Variants in DUSP6 observed in about 807,000 individuals in gnomAD.
The protein encoded by DUSP6 is dual specificity phosphatase 6.
In DUSP6, 6 loss-of-function variants were observed where a neutral mutation model predicts 28.0. The observed-to-expected ratio is 0.21, with a 90% CI of 0.12 to 0.42. DUSP6 has a LOEUF of 0.42. Ranked by LOEUF, DUSP6 falls within the 10% of genes least tolerant of loss-of-function variation. The pLI, the probability that DUSP6 is intolerant of heterozygous loss-of-function variation, is 1.00. For missense variants in DUSP6, 451 were observed against 498.1 expected, an observed-to-expected ratio of 0.91 and a Z score of 0.90; for synonymous variants, 252 against 217.5, an observed-to-expected ratio of 1.16 and a Z score of -1.40.
chr12:89,350,894 A>G lies in DUSP6; in HGVS notation c.532T>C (p.Ser178Pro). ...GGLRISSDSS[S>P]DIESDLDRDP... Reference sequence around the variant, plus strand: ...CGGTCAAGGTCAGACTCGATGTCCGAGGAAGAGTCAGAGCTGATCCGCAGG... The same window carrying G: ...CGGTCAAGGTCAGACTCGATGTCCGGGGAAGAGTCAGAGCTGATCCGCAGG... Residue 178 changes from serine (S) to proline (P), a missense_variant, in exon 2 of 3, where the codon TCG becomes CCG. Ser to Pro is a moderately conservative substitution (Grantham distance 74). This residue lies in a region of DUSP6 where 347 missense variants were observed against 346.6 expected (regional missense o/e 1.00). Transcript: ENST00000279488. 6.2e-7 allele frequency: 1 copy of G among 1,613,924 alleles called. No individual in the cohort carries two copies. Among genetic ancestry groups the G allele is most frequent in the Admixed American group, 1.7e-5 (1 of 60,020 alleles).
intron 2 of DUSP6, among the ~76,000 whole-genome samples, chr12:89,350,254 C>T (rs184603885): frequency 1.5e-4 from 23 of 152,310 alleles, no homozygotes; most frequent in Admixed American, 1.5e-3. Flanking sequence ...TGCTGGAATT[C>T]CTGTCTATAG....
chr12:89,351,767 G>A lies in DUSP6; in HGVS notation c.273C>T (p.Gly91=), dbSNP rs1174828637. The A allele has an allele frequency of 1.2e-6, 2 of 1,608,830 alleles. No homozygotes were observed. Among genetic ancestry groups the A allele is most frequent in the Non-Finnish European group, 1.7e-6 (2 of 1,178,362 alleles). Residue 91 remains glycine, a synonymous_variant, in exon 1 of 3, where the codon GGC becomes GGT. Transcript: ENST00000279488. ...CGTCGTAGAGCACCACTGTGTCGGT[G>A]CCACAGCGCCGGGTGAAGCGGTCCC... The part of the protein sequence containing the change: ...EDRDRFTRRC[G]TDTVVLYDES...
chr12:89,348,304 G>T lies in DUSP6; in HGVS notation c.*950C>A, dbSNP rs1879049739. 1 of 152,610 alleles carries T rather than the reference G, an allele frequency of 6.6e-6. No individual in the cohort carries two copies. Among genetic ancestry groups the T allele is most frequent in the South Asian group, 2.1e-4 (1 of 4,832 alleles). The allele number at this position is 152,610 out of a possible 1,614,324, so 9.5% of individuals were successfully genotyped here. A position where few individuals can be genotyped will look rare whatever the true frequency, so the allele number is the denominator to read the frequency against. On this transcript the variant is annotated 3_prime_UTR_variant, in exon 3 of 3. Coordinates refer to ENST00000279488, the MANE Select transcript of DUSP6 (RefSeq NM_001946.4). ...TGCATTTGAGGTGACACTCCCTGAA[G>T]AATTTTATACAGAGGTAATATACTG...
chr12:89,349,385 G>C lies in DUSP6; in HGVS notation c.1015C>G (p.Gln339Glu). The C allele has an allele frequency of 6.2e-7, 1 of 1,614,162 alleles. No individual in the cohort carries two copies. The highest frequency in any genetic ancestry group is 8.5e-7 in the Non-Finnish European group (1 of 1,180,034). ...AGCGTCCTCTCGAAGTCCAGCAGCT[G>C]ACCCATGAAGTTGAAGTTAGGGGAT... ...NISPNFNFMG[Q>E]LLDFERTLGL... The change falls in exon 3 of 3, where the codon CAG (glutamine) becomes GAG (glutamate). Residue 339 changes from glutamine (Q) to glutamate (E), a missense_variant. By Grantham distance (29) the Gln-to-Glu change is conservative. Coordinates refer to ENST00000279488, the MANE Select transcript of DUSP6 (RefSeq NM_001946.4).
chr12:89,352,308 T>C lies in DUSP6; in HGVS notation c.-269A>G, dbSNP rs1470765845. 1.8e-5 allele frequency: 9 copies of C among 510,718 alleles called. No homozygotes were observed. In the East Asian group the frequency reaches 2.3e-4, roughly 13 times the overall value. The allele number at this position is 510,718 out of a possible 1,614,324, so 31.6% of individuals were successfully genotyped here. On this transcript the variant is annotated 5_prime_UTR_variant, in exon 1 of 3. Coordinates refer to ENST00000279488, the MANE Select transcript of DUSP6 (RefSeq NM_001946.4). ...ATAGTTTTTGTTCCTCCCCAGTGAATGAAATCCAATTAATTCGGACTCCGT... is the reference window on the plus strand; with the variant it reads ...ATAGTTTTTGTTCCTCCCCAGTGAACGAAATCCAATTAATTCGGACTCCGT...
Position 89,352,262 on chromosome 12 carries a change from T to G in DUSP6, c.-223A>C. The G allele has an allele frequency of 1.6e-6, 1 of 618,098 alleles. No homozygotes were observed. 38.3% of individuals were successfully genotyped at this position (618,098 alleles called of 1,614,324 possible). On this transcript the variant is annotated 5_prime_UTR_variant, in exon 1 of 3. Transcript: ENST00000279488. ...CGCTGGCTCTTAGTGTCAATGAATCTCTCTCAATGAAGCTGCCCAGATAGT... is the reference window on the plus strand; with the variant it reads ...CGCTGGCTCTTAGTGTCAATGAATCGCTCTCAATGAAGCTGCCCAGATAGT...
Position 89,347,725 on chromosome 12 carries a change from C to G in DUSP6, c.*1529G>C, listed in dbSNP as rs1449773647. ...AACATGTGGCTGTCATCTTGGTATT[C>G]TGCTACACCTCTCTGTGGTTAATAT... On this transcript the variant is annotated 3_prime_UTR_variant, in exon 3 of 3. Coordinates refer to ENST00000279488, the MANE Select transcript of DUSP6 (RefSeq NM_001946.4). 1 of 152,182 alleles carries G rather than the reference C, an allele frequency of 6.6e-6. No homozygotes were observed. Among genetic ancestry groups the G allele is most frequent in the African/African-American group, 2.4e-5 (1 of 41,440 alleles). The allele number at this position is 152,182 out of a possible 1,614,324, so 9.4% of individuals were successfully genotyped here.
chr12:89,351,684 A>G lies in DUSP6; in HGVS notation c.356T>C (p.Leu119Pro). The change falls in exon 1 of 3, where the codon CTC becomes CCC. Residue 119 changes from leucine (L) to proline (P), a missense_variant. Coordinates refer to ENST00000279488, the MANE Select transcript of DUSP6 (RefSeq NM_001946.4). Reference protein sequence around the residue: ...TGGESVLGLLLKKLKDEGCRA... With the variant: ...TGGESVLGLLPKKLKDEGCRA... ...GCAGCCCTCGTCCTTGAGCTTCTTGAGCAGCAGCCCGAGCACCGACTCGCC... is the reference window on the plus strand; with the variant it reads ...GCAGCCCTCGTCCTTGAGCTTCTTGGGCAGCAGCCCGAGCACCGACTCGCC... 1 of 1,607,638 alleles carries G rather than the reference A, an allele frequency of 6.2e-7. No homozygotes were observed. Among genetic ancestry groups the G allele is most frequent in the Non-Finnish European group, 8.5e-7 (1 of 1,177,750 alleles).
chr12:89,349,641 T>G, intron 2 of DUSP6, 80 bp from the exon 3 acceptor site: 2 of 1,071,590 alleles, frequency 1.9e-6, no homozygotes, highest in Non-Finnish European at 2.7e-6. Context: ...AAACTGAACT[T>G]GAAAACATAA....
chr12:89,351,764 G>A lies in DUSP6; in HGVS notation c.276C>T (p.Thr92=), dbSNP rs1188584406. The A allele has an allele frequency of 3.7e-6, 6 of 1,608,660 alleles. No homozygotes were observed. The highest frequency in any genetic ancestry group is 5.1e-6 in the Non-Finnish European group (6 of 1,178,310). Residue 92 remains threonine, a synonymous_variant, in exon 1 of 3, where the codon ACC becomes ACT. Coordinates refer to ENST00000279488, the MANE Select transcript of DUSP6 (RefSeq NM_001946.4). ...DRDRFTRRCG[T]DTVVLYDESS... ...TCTCGTCGTAGAGCACCACTGTGTC[G>A]GTGCCACAGCGCCGGGTGAAGCGGT...
At position 89,352,280 on chromosome 12, in the gene DUSP6, CAGAT is replaced by C. The variant is rs1270648027; in HGVS notation, c.-245_-242del. 5 of 578,746 alleles carry C rather than the reference CAGAT, an allele frequency of 8.6e-6. No individual in the cohort carries two copies. The Admixed American group carries it at 1.3e-4, about 15-fold the overall frequency. The allele number at this position is 578,746 out of a possible 1,614,324, so 35.9% of individuals were successfully genotyped here. ...ATGAATCTCTCTCAATGAAGCTGCC[CAGAT>C]AGTTTTTGTTCCTCCCCAGTGAATG... On this transcript the variant is annotated 5_prime_UTR_variant, in exon 1 of 3. Transcript: ENST00000279488.
chr12:89,352,260 T>A lies in DUSP6; in HGVS notation c.-221A>T. 2 of 623,824 alleles carry A rather than the reference T, an allele frequency of 3.2e-6. No individual in the cohort carries two copies. The highest frequency in any genetic ancestry group is 4.1e-5 in the South Asian group (2 of 48,300). The allele number at this position is 623,824 out of a possible 1,614,324, so 38.6% of individuals were successfully genotyped here. On this transcript the variant is annotated 5_prime_UTR_variant, in exon 1 of 3. Coordinates refer to ENST00000279488, the MANE Select transcript of DUSP6 (RefSeq NM_001946.4). ...GCCGCTGGCTCTTAGTGTCAATGAATCTCTCTCAATGAAGCTGCCCAGATA... is the reference window on the plus strand; with the variant it reads ...GCCGCTGGCTCTTAGTGTCAATGAAACTCTCTCAATGAAGCTGCCCAGATA...
rs997030212 is a variant in DUSP6, at chr12:89,351,415, C to T, written c.400+225G>A. The T allele has an allele frequency of 2.9e-4, 211 of 724,906 alleles. 1 individual carries two copies. The highest frequency in any genetic ancestry group is 4.2e-4 in the Non-Finnish European group (195 of 460,298). 44.9% of individuals were successfully genotyped at this position (724,906 alleles called of 1,614,324 possible). On this transcript the variant is annotated intron_variant, in intron 1 of 2. Transcript: ENST00000279488. The stretch of plus-strand genomic sequence containing the variant: ...GGCGCAGAACCCGTTAGAAAGAAAC[C>T]GCCGGTACCCGCAGCCGGAAGCGAG...
rs1232804362 is a variant in DUSP6, at chr12:89,348,088, T to C, written c.*1166A>G. On this transcript the variant is annotated 3_prime_UTR_variant, in exon 3 of 3. Transcript: ENST00000279488. ...AATAGCCAAAATAGTTATTTATTAA[T>C]AATTTAAGGTTTTACATTCTTATAA... 1 of 152,696 alleles carries C rather than the reference T, an allele frequency of 6.5e-6. No individual in the cohort carries two copies. Among genetic ancestry groups the C allele is most frequent in the African/African-American group, 2.4e-5 (1 of 41,468 alleles). The allele number at this position is 152,696 out of a possible 1,614,324, so 9.5% of individuals were successfully genotyped here.
At chr12:89,351,572 C>A in intron 1 of DUSP6, 68 bp downstream of exon 1, 1 of 1,480,194 alleles carries the variant, frequency 6.8e-7, no homozygotes, top group Non-Finnish European at 9.0e-7. Flanking sequence ...TATTTTCAAT[C>A]CACGCGCCCC....
intron 1 of DUSP6, 186 bp from the exon 2 acceptor site, chr12:89,351,211 C>G (rs1308223509): frequency 2.6e-5 from 19 of 718,574 alleles, no homozygotes; most frequent in Non-Finnish European, 4.2e-5. Flanking sequence ...GGGCCCGCCT[C>G]GCCAGGGAAC....
At chr12:89,351,597 G>A (rs1220820729) in intron 1 of DUSP6, 43 bp downstream of exon 1, 18 of 1,534,932 alleles carry the variant, frequency 1.2e-5, no homozygotes, top group Non-Finnish European at 1.6e-5. Context: ...GCAGCCCTGC[G>A]CCCCTAGCCC....
intron 1 of DUSP6, 50 bp downstream of exon 1, chr12:89,351,590 G>A: frequency 6.6e-7 from 1 of 1,522,886 alleles, no homozygotes; most frequent in South Asian, 1.3e-5. Flanking sequence ...CCCGCCCGCA[G>A]CCCTGCGCCC....
intron 2 of DUSP6, 48 bp downstream of exon 2, chr12:89,350,540 G>A (rs1398365290): frequency 2.6e-6 from 4 of 1,553,832 alleles, no homozygotes; most frequent in Non-Finnish European, 3.5e-6. Flanking sequence ...TGAATGGCTA[G>A]GAATTTTGCA....
Sources: allele counts gnomAD v4.1 joint callset (sites outside exome capture counted in the v4.1 genomes callset), GRCh38; gene constraint gnomAD v4.1.1; regional missense constraint gnomAD v4.1.1; transcripts MANE v1.5; gene names NCBI Gene and HGNC (gene_info 2026-07-23, HGNC 2026-07-21).